The following CPSF7 variants were observed in gnomAD, a reference collection of about 807,000 sequenced individuals.
CPSF7 encodes the protein cleavage and polyadenylation specificity factor subunit 7.
CPSF7 carries 1 observed loss-of-function variant against 44.3 expected under a neutral mutation model. That is an observed-to-expected ratio of 0.02 (90% CI 0.01 to 0.11). The LOEUF (loss-of-function observed/expected upper bound fraction) is 0.11. CPSF7 is among the 10% of genes least tolerant of loss of function. CPSF7 has a pLI of 1.00. For missense variants in CPSF7, 443 were observed against 607.2 expected (o/e 0.73, Z 2.84); for synonymous variants, 202 against 222.0 (o/e 0.91, Z 0.80).
chr11:61,408,450 G>C (rs979677389), intron 9 of CPSF7, among the ~76,000 whole-genome samples: 2 of 152,112 alleles, frequency 1.3e-5, no homozygotes, highest in African/African-American at 4.8e-5. Flanking sequence ...AGAGAAATGG[G>C]AAGTCCTAGA....
intron 9 of CPSF7, among the ~76,000 whole-genome samples, chr11:61,409,098 T>C (rs1859604072): frequency 6.6e-6 from 1 of 151,826 alleles, no homozygotes; most frequent in African/African-American, 2.4e-5. Flanking sequence ...TGATGGTGCC[T>C]CATGACAGTG....
intron 2 of CPSF7, among the ~76,000 whole-genome samples, chr11:61,425,844 C>CA (rs1554981733): frequency 6.6e-6 from 1 of 152,116 alleles, no homozygotes; most frequent in Non-Finnish European, 1.5e-5. Context: ...CAGGGACCCA[C>CA]TTTTTTTTCC....
intron 2 of CPSF7, among the ~76,000 whole-genome samples, chr11:61,426,230 G>C (rs181934793): frequency 3.3e-5 from 5 of 152,364 alleles, no homozygotes; most frequent in South Asian, 4.1e-4. Flanking sequence ...AGCTTGGGGC[G>C]AAATCAGTAA....
In CPSF7 at chr11:61,429,217, A is replaced by G. The variant is rs1393137415; in HGVS notation, c.19T>C (p.Leu7=). Residue 7 remains leucine (L), a synonymous_variant, in exon 2 of 10, where the codon TTG becomes CTG. Transcript: ENST00000439958. MSEGVD[L]IDIYADEEFN... is the part of the protein sequence containing the mutation. ...TCCTCGTCAGCATATATATCAATCA[A>G]GTCCACTCCTTCTGACATGGCTCCG... is the stretch of plus-strand genomic sequence containing the variant. The G allele has an allele frequency of 6.2e-7, 1 of 1,612,990 alleles. No individual in the cohort carries two copies. The highest frequency in any genetic ancestry group is 8.5e-7 in the Non-Finnish European group (1 of 1,179,052).
chr11:61,420,073 G>T lies in CPSF7; in HGVS notation c.399C>A (p.Ala133=). 1 of 1,613,674 alleles carries T rather than the reference G, an allele frequency of 6.2e-7. No individual in the cohort carries two copies. The highest frequency in any genetic ancestry group is 2.2e-5 in the East Asian group (1 of 44,846). ...ACAATTTGTGGACAGAGTTTTCAGA[G>T]GCTACCACCACCTCAGCATACCTTA... ...QSKGYAEVVV[A]SENSVHKLLE... is the part of the protein sequence containing the mutation. Residue 133 remains alanine, a synonymous_variant, in exon 5 of 10, where the codon GCC becomes GCA. Coordinates refer to ENST00000439958, the MANE Select transcript of CPSF7 (RefSeq NM_001142565.3).
At chr11:61,413,465 T>C (rs1408091876) in intron 7 of CPSF7, among the ~76,000 whole-genome samples, 3 of 151,820 alleles carry the variant, frequency 2.0e-5, no homozygotes, top group African/African-American at 7.3e-5. Flanking sequence ...ACCCGGTCTC[T>C]ACTAAAAATA....
At position 61,410,972 on chromosome 11, in the gene CPSF7, G is replaced by A. The variant is rs1859799715; in HGVS notation, c.1360C>T (p.Arg454Trp). ...TGGTGCCGGTCCCGTTCTCTATCCC[G>A]GTGTCTCTCATGCTCCCGGTTCCTT... ...QERNREHERH[R>W]DRERDRHH The change falls in exon 9 of 10, where the codon CGG (arginine) becomes TGG (tryptophan). Residue 454 changes from arginine (R) to tryptophan (W), a missense_variant. Coordinates refer to ENST00000439958, the MANE Select transcript of CPSF7 (RefSeq NM_001142565.3). 7 of 1,612,540 alleles carry A rather than the reference G, an allele frequency of 4.3e-6. No homozygotes were observed. Among genetic ancestry groups the A allele is most frequent in the Non-Finnish European group, 5.1e-6 (6 of 1,179,610 alleles).
intron 1 of CPSF7, 151 bp from the exon 2 acceptor site, chr11:61,429,441 G>C (rs12281296): frequency 1.9e-6 from 1 of 520,196 alleles, no homozygotes; most frequent in Non-Finnish European, 3.3e-6. Flanking sequence ...CCGGCCTCGC[G>C]CCGCCCACCG....
At chr11:61,423,907 T>C (rs965627680) in intron 2 of CPSF7, among the ~76,000 whole-genome samples, 1 of 152,244 alleles carries the variant, frequency 6.6e-6, no homozygotes, top group Non-Finnish European at 1.5e-5. Flanking sequence ...GAGAATAATC[T>C]TGGGTTGTTC....
At chr11:61,421,285 C>T (rs1389917394) in intron 3 of CPSF7, 105 bp downstream of exon 3, 1 of 1,097,150 alleles carries the variant, frequency 9.1e-7, no homozygotes, top group Admixed American at 2.0e-5. Context: ...AAATCCAACC[C>T]CATCAGAGCA....
In CPSF7 at chr11:61,416,187, A is replaced by C. The variant is rs1303246385; in HGVS notation, c.856T>G (p.Phe286Val). The C allele has an allele frequency of 6.6e-7, 1 of 1,521,748 alleles. No homozygotes were observed. The highest frequency in any genetic ancestry group is 8.8e-7 in the Non-Finnish European group (1 of 1,137,736). The allele number at this position is 1,521,748 out of a possible 1,614,324, so 94.3% of individuals were successfully genotyped here. ...IPPALHLNPA[F>V]FPPPNATVGP... The stretch of plus-strand genomic sequence containing the variant: ...ACTGTAGCGTTTGGTGGGGGGAAGA[A>C]GGCTGGATTGAGGTGAAGGGCAGGT... Residue 286 changes from phenylalanine to valine, a missense_variant, in exon 6 of 10, where the codon TTC (phenylalanine) becomes GTC (valine). Transcript: ENST00000439958.
rs772530434 is a variant in CPSF7 at position 61,416,122 on chromosome 11, G to C, written c.921C>G (p.Pro307=). The C allele has an allele frequency of 2.7e-6, 4 of 1,501,284 alleles. No homozygotes were observed. In the East Asian group the frequency reaches 9.3e-5, roughly 35 times the overall value. 93.0% of individuals were successfully genotyped at this position (1,501,284 alleles called of 1,614,324 possible). Residue 307 remains proline (P), a synonymous_variant, in exon 6 of 10, where the codon CCC becomes CCG. Transcript: ENST00000439958. ...GTCCTTACCTGCCATGGTGGTTATAGGGGGCAGAGGCCTTCATGTAAGTAT... is the reference window on the plus strand; with the variant it reads ...GTCCTTACCTGCCATGGTGGTTATACGGGGCAGAGGCCTTCATGTAAGTAT... ...PPDTYMKASA[P]YNHHGSRDSG...
At position 61,418,000 on chromosome 11, in the gene CPSF7, T is replaced by C. The variant is rs567104431; in HGVS notation, c.524-1481A>G. Among the ~76,000 whole-genome samples, 50 of 152,304 alleles carry C rather than the reference T, an allele frequency of 3.3e-4. No individual in the cohort carries two copies. The South Asian group carries it at 9.3e-3, about 28-fold the overall frequency. ...AAGTAGAACGTTACCCCCAATACAG[T>C]TGTAAAATTACATACCTAAGGAAAG... On this transcript the variant is annotated intron_variant, in intron 5 of 9. Coordinates refer to ENST00000439958, the MANE Select transcript of CPSF7 (RefSeq NM_001142565.3).
intron 2 of CPSF7, among the ~76,000 whole-genome samples, chr11:61,423,105 C>CAAAAAAAAA (rs71471824): frequency 1.9e-5 from 1 of 52,342 alleles, no homozygotes; most frequent in African/African-American, 8.8e-5. Context: ...GACCCCATAT[C>CAAAAAAAAA]AAAAAAAAAA....
chr11:61,413,844 C>T (rs531517039), intron 7 of CPSF7, among the ~76,000 whole-genome samples: 1 of 152,188 alleles, frequency 6.6e-6, no homozygotes, highest in Non-Finnish European at 1.5e-5. Flanking sequence ...CTGGCAGCTT[C>T]CTCTGTGCAA....
chr11:61,416,675 G>A (rs1225184172), intron 5 of CPSF7, among the ~76,000 whole-genome samples, 156 bp from the exon 6 acceptor site: 1 of 152,094 alleles, frequency 6.6e-6, no homozygotes, highest in Admixed American at 6.5e-5. Context: ...TGGCTTCAGA[G>A]GTCAGAAGCA....
chr11:61,428,513 T>A (rs1484257647), intron 2 of CPSF7, among the ~76,000 whole-genome samples: 2 of 152,184 alleles, frequency 1.3e-5, no homozygotes, highest in Non-Finnish European at 2.9e-5. Flanking sequence ...TAATGTTCCC[T>A]GGTACAATAA....
intron 4 of CPSF7, 145 bp from the exon 5 acceptor site, chr11:61,420,239 G>C: frequency 1.4e-6 from 1 of 729,584 alleles, no homozygotes; most frequent in Non-Finnish European, 2.2e-6. Flanking sequence ...ACAACAAAGA[G>C]ACAGCCTAAA....
Position 61,429,246 on chromosome 11 carries a change from G to C in CPSF7, c.-11C>G. ...CACTCCTTCTGACATGGCTCCGGAA[G>C]GAAGATCGCGAGTCCGGAGGATGGA... is the stretch of plus-strand genomic sequence containing the variant. On this transcript the variant is annotated 5_prime_UTR_variant, in exon 2 of 10. Transcript: ENST00000439958. 3.1e-6 allele frequency: 5 copies of C among 1,613,680 alleles called. No homozygotes were observed. Among genetic ancestry groups the C allele is most frequent in the Admixed American group, 1.7e-5 (1 of 60,014 alleles).
Sources: gnomAD v4.1 joint callset for allele counts (sites outside exome capture counted in the v4.1 genomes callset) on GRCh38, gnomAD v4.1.1 for gene constraint, MANE v1.5 for transcripts, NCBI Gene and HGNC (gene_info 2026-07-23, HGNC 2026-07-21) for gene names.